The following EDC3 variants were observed in gnomAD, a reference collection of about 807,000 sequenced individuals.
EDC3 encodes the protein enhancer of mRNA decapping 3.
A neutral mutation model predicts 41.8 loss-of-function variants in EDC3; 20 were observed. That is an observed-to-expected ratio of 0.48 (90% confidence interval 0.34 to 0.70). EDC3 has a LOEUF of 0.70. Ranked by LOEUF, EDC3 falls within the 30% of genes least tolerant of loss-of-function variation. The probability of loss-of-function intolerance (pLI) is 0.01; values close to 1 mark genes in which losing one functional copy is unlikely to be tolerated. For synonymous variants in EDC3, 206 were observed against 243.2 expected, an observed-to-expected ratio of 0.85 and a Z score of 1.42; for missense variants, 444 against 636.8, an observed-to-expected ratio of 0.70 and a Z score of 3.26.
At chr15:74,659,295 T>G (rs1401161588) in intron 3 of EDC3, among the ~76,000 whole-genome samples, 1 of 151,194 alleles carries the variant, frequency 6.6e-6, no homozygotes, top group African/African-American at 2.4e-5. Context: ...AAATGCCATC[T>G]CTACTAAATA....
chr15:74,670,353 C>A (rs984332234), intron 3 of EDC3, among the ~76,000 whole-genome samples: 1 of 152,094 alleles, frequency 6.6e-6, no homozygotes, highest in Non-Finnish European at 1.5e-5. Flanking sequence ...TGGAGAAGAA[C>A]AGTTCTAGTG....
At chr15:74,650,449 T>C (rs1442929489) in intron 4 of EDC3, among the ~76,000 whole-genome samples, 1 of 152,206 alleles carries the variant, frequency 6.6e-6, no homozygotes, top group African/African-American at 2.4e-5. Context: ...GGTGAAATCC[T>C]GCCCATGTTT....
chr15:74,633,095 C>T, intron 6 of EDC3, 149 bp from the exon 7 acceptor site: 1 of 872,196 alleles, frequency 1.1e-6, no homozygotes, highest in Non-Finnish European at 1.7e-6. Flanking sequence ...AAAGCTGGGC[C>T]AGGGCACAGG....
intron 1 of EDC3, chr15:74,677,020 T>C (rs1441553358): frequency 2.6e-5 from 4 of 152,158 alleles, no homozygotes; most frequent in South Asian, 2.1e-4. Flanking sequence ...CCGTCATTCA[T>C]TGCTGACAGG....
intron 6 of EDC3, among the ~76,000 whole-genome samples, chr15:74,633,265 G>C (rs2062234955): frequency 6.6e-6 from 1 of 152,232 alleles, no homozygotes; most frequent in Admixed American, 6.5e-5. Flanking sequence ...GCCTTCTCAG[G>C]CATGCCTCTG....
intron 1 of EDC3, among the ~76,000 whole-genome samples, chr15:74,691,056 A>T (rs536088771): frequency 1.1e-4 from 16 of 151,204 alleles, no homozygotes; most frequent in Admixed American, 6.6e-4. Context: ...ATTAGTCAGA[A>T]GTGTTGGGAG....
At chr15:74,638,813 C>G (rs2062308816) in intron 5 of EDC3, 1 of 152,230 alleles carries the variant, frequency 6.6e-6, no homozygotes, top group Admixed American at 6.5e-5. Flanking sequence ...TTGAAGTTCA[C>G]TGATTTCTGA....
chr15:74,663,698 CAAA>C (rs1286912414), intron 3 of EDC3, among the ~76,000 whole-genome samples: 17 of 66,876 alleles, frequency 2.5e-4, no homozygotes, highest in Non-Finnish European at 4.9e-4. Flanking sequence ...TGTTCAGTTT[CAAA>C]AAAAAAAAAA....
chr15:74,677,359 CTTT>C (rs747397931), intron 1 of EDC3, among the ~76,000 whole-genome samples: 3 of 111,316 alleles, frequency 2.7e-5, no homozygotes, highest in African/African-American at 3.4e-5. Context: ...CATGCCCAGC[CTTT>C]TTTTTTTTTT....
intron 6 of EDC3, 89 bp from the exon 7 acceptor site, chr15:74,633,035 C>G: frequency 7.4e-7 from 1 of 1,349,290 alleles, no homozygotes; most frequent in South Asian, 1.4e-5. Context: ...CCAAGGGTGT[C>G]TTTGTTTTCC....
Position 74,643,813 on chromosome 15 carries a change from C to CT in EDC3, c.821-3195dup, listed in dbSNP as rs1001201567. On this transcript the variant is annotated intron_variant, in intron 4 of 6. Transcript: ENST00000315127. Reference sequence around the variant, plus strand: ...GTTATCTCAGATCTAACTCAATCCTCTCACTGATTGGCCCTTTAATTGGAA... The same window carrying CT: ...GTTATCTCAGATCTAACTCAATCCTCTTCACTGATTGGCCCTTTAATTGGAA... 4.9e-4 allele frequency: 74 copies of CT among 152,354 alleles called. 1 individual carries two copies. Among genetic ancestry groups the CT allele is most frequent in the African/African-American group, 1.7e-3 (70 of 41,574 alleles). 9.4% of individuals were successfully genotyped at this position (152,354 alleles called of 1,614,324 possible).
intron 4 of EDC3, among the ~76,000 whole-genome samples, chr15:74,648,581 A>G (rs2062443653): frequency 6.6e-6 from 1 of 152,206 alleles, no homozygotes; most frequent in East Asian, 1.9e-4. Context: ...AAAAGAAATG[A>G]GTATTGGTAA....
chr15:74,665,217 G>A (rs1018502528), intron 3 of EDC3, among the ~76,000 whole-genome samples: 5 of 152,100 alleles, frequency 3.3e-5, no homozygotes, highest in African/African-American at 1.2e-4. Flanking sequence ...GTAGAGACAG[G>A]GTTTCGTCAT....
At chr15:74,647,299 T>C (rs1246199881) in intron 4 of EDC3, among the ~76,000 whole-genome samples, 2 of 152,164 alleles carry the variant, frequency 1.3e-5, no homozygotes, top group Non-Finnish European at 2.9e-5. Context: ...GGTATATACA[T>C]AGAAATCAAA....
rs143394151 is a variant in EDC3, at chr15:74,633,151, G to A, written c.1193-205C>T. On this transcript the variant is annotated intron_variant, in intron 6 of 6. Transcript: ENST00000315127. Reference sequence around the variant, plus strand: ...CTGGGCTGAGTGCTAGAGACCAAGTGCATGTCAGCCCAGCAGACCACTGCC... The same window carrying A: ...CTGGGCTGAGTGCTAGAGACCAAGTACATGTCAGCCCAGCAGACCACTGCC... Among the ~76,000 whole-genome samples the A allele has an allele frequency of 1.1e-3, 172 of 152,352 alleles. 1 individual carries two copies. Among genetic ancestry groups the A allele is most frequent in the Non-Finnish European group, 1.8e-3 (122 of 68,028 alleles).
At chr15:74,638,803 T>C (rs764043819) in intron 5 of EDC3, 3 of 152,076 alleles carry the variant, frequency 2.0e-5, no homozygotes, top group African/African-American at 7.2e-5. Flanking sequence ...GCTAGAAAAC[T>C]TGAAGTTCAC....
At chr15:74,673,511 G>C (rs1263148318) in intron 2 of EDC3, among the ~76,000 whole-genome samples, 1 of 151,694 alleles carries the variant, frequency 6.6e-6, no homozygotes, top group Non-Finnish European at 1.5e-5. Context: ...AGCAGACAAG[G>C]TGTCTGTCTC....
At chr15:74,663,013 C>T (rs1341839122) in intron 3 of EDC3, among the ~76,000 whole-genome samples, 1 of 152,204 alleles carries the variant, frequency 6.6e-6, no homozygotes, top group East Asian at 1.9e-4. Context: ...TGGCCTGGCG[C>T]AGTGGCTCAA....
intron 4 of EDC3, chr15:74,643,465 C>G (rs1237845831): frequency 2.0e-5 from 3 of 152,160 alleles, no homozygotes; most frequent in Non-Finnish European, 4.4e-5. Flanking sequence ...ACAACAAGTA[C>G]ACTCAGTACA....
Sources: allele counts gnomAD v4.1 joint callset (sites outside exome capture counted in the v4.1 genomes callset), GRCh38; gene constraint gnomAD v4.1.1; transcripts MANE v1.5; gene names NCBI Gene and HGNC (gene_info 2026-07-23, HGNC 2026-07-21).